Variants in SDC2 observed in about 807,000 individuals in gnomAD.
SDC2 encodes syndecan-2.
SDC2 carries 13 observed loss-of-function variants against 22.2 expected under a neutral mutation model. That is an observed-to-expected ratio of 0.59 (90% CI 0.38 to 0.93). The LOEUF (loss-of-function observed/expected upper bound fraction) is 0.93. Ranked by LOEUF, SDC2 falls within the 40% of genes least tolerant of loss-of-function variation. The pLI, the probability that SDC2 is intolerant of heterozygous loss-of-function variation, is 0.00. For synonymous variants in SDC2, 94 were observed against 92.8 expected (o/e 1.01, Z -0.07); for missense variants, 235 against 246.8 (o/e 0.95, Z 0.32).
chr8:96,585,586 G>A (rs1422058877), intron 1 of SDC2, among the ~76,000 whole-genome samples: 3 of 152,076 alleles, frequency 2.0e-5, no homozygotes, highest in Non-Finnish European at 4.4e-5. Context: ...GGGGACAGGG[G>A]AAGGGGACAT....
intron 1 of SDC2, among the ~76,000 whole-genome samples, chr8:96,579,030 A>G (rs1224111002): frequency 6.6e-6 from 1 of 152,172 alleles, no homozygotes; most frequent in African/African-American, 2.4e-5. Flanking sequence ...AATTGCTCTT[A>G]TTTGGGAGCA....
At chr8:96,535,936 T>TA (rs1813747453) in intron 1 of SDC2, among the ~76,000 whole-genome samples, 1 of 152,064 alleles carries the variant, frequency 6.6e-6, no homozygotes, top group Non-Finnish European at 1.5e-5. Flanking sequence ...TTATGAAACG[T>TA]AAAAATGGCT....
intron 1 of SDC2, among the ~76,000 whole-genome samples, chr8:96,539,161 G>A (rs1249690995): frequency 6.6e-6 from 1 of 152,218 alleles, no homozygotes; most frequent in African/African-American, 2.4e-5. Flanking sequence ...ACATTATCTT[G>A]TAATAACGAG....
intron 1 of SDC2, among the ~76,000 whole-genome samples, chr8:96,502,835 A>C (rs1033857937): frequency 5.9e-5 from 9 of 152,178 alleles, no homozygotes; most frequent in African/African-American, 2.2e-4. Flanking sequence ...TTTTTAGCAT[A>C]AGGGAATGTC....
At chr8:96,556,531 C>A (rs952550602) in intron 1 of SDC2, among the ~76,000 whole-genome samples, 12 of 151,892 alleles carry the variant, frequency 7.9e-5, no homozygotes, top group African/African-American at 2.9e-4. Context: ...GGAAAGGATT[C>A]CCTATTTAAT....
intron 1 of SDC2, among the ~76,000 whole-genome samples, chr8:96,581,478 A>G (rs1199602793): frequency 6.6e-6 from 1 of 152,128 alleles, no homozygotes; most frequent in Non-Finnish European, 1.5e-5. Flanking sequence ...AAAAATACAA[A>G]AATTAGCTGG....
intron 1 of SDC2, among the ~76,000 whole-genome samples, chr8:96,572,781 G>A (rs1325227206): frequency 1.3e-5 from 2 of 152,296 alleles, no homozygotes; most frequent in Admixed American, 1.3e-4. Flanking sequence ...ACTGCTATAA[G>A]TCATTAACTA....
At chr8:96,503,820 A>G (rs929315971) in intron 1 of SDC2, among the ~76,000 whole-genome samples, 9 of 152,216 alleles carry the variant, frequency 5.9e-5, no homozygotes, top group Non-Finnish European at 1.3e-4. Context: ...TATAAAGCTC[A>G]GAGAATGATA....
At chr8:96,494,959 G>A (rs953221945) in intron 1 of SDC2, among the ~76,000 whole-genome samples, 3 of 152,218 alleles carry the variant, frequency 2.0e-5, no homozygotes, top group African/African-American at 7.2e-5. Flanking sequence ...TCCCTCAAGG[G>A]GATACTGGGG....
intron 1 of SDC2, among the ~76,000 whole-genome samples, chr8:96,521,693 C>G (rs1273913970): frequency 2.6e-5 from 4 of 152,136 alleles, no homozygotes; most frequent in African/African-American, 9.7e-5. Flanking sequence ...TGAGCATTTT[C>G]CTTGCTTTGC....
intron 1 of SDC2, among the ~76,000 whole-genome samples, chr8:96,531,512 TA>T (rs1246724174): frequency 6.6e-6 from 1 of 152,202 alleles, no homozygotes; most frequent in African/African-American, 2.4e-5. Flanking sequence ...AAAAATGATT[TA>T]AAAAATTTTA....
intron 1 of SDC2, among the ~76,000 whole-genome samples, chr8:96,582,727 C>T (rs1462261328): frequency 1.3e-5 from 2 of 152,176 alleles, no homozygotes; most frequent in Non-Finnish European, 2.9e-5. Flanking sequence ...ATCTGCCCAG[C>T]TCACTGGCAT....
At chr8:96,495,222 C>T (rs1260564047) in intron 1 of SDC2, among the ~76,000 whole-genome samples, 1 of 152,220 alleles carries the variant, frequency 6.6e-6, no homozygotes, top group Non-Finnish European at 1.5e-5. Context: ...CTCTCTGGCC[C>T]TGGCGGGGCG....
intron 2 of SDC2, among the ~76,000 whole-genome samples, chr8:96,595,213 G>A (rs1183621838): frequency 6.6e-6 from 1 of 152,158 alleles, no homozygotes; most frequent in Non-Finnish European, 1.5e-5. Flanking sequence ...TAACTTTTGT[G>A]ATCAGATTGA....
chr8:96,499,684 T>C (rs924264183), intron 1 of SDC2, among the ~76,000 whole-genome samples: 1 of 151,962 alleles, frequency 6.6e-6, no homozygotes, highest in Admixed American at 6.6e-5. Context: ...GTTGTGAAGA[T>C]GAAATGAAGG....
intron 1 of SDC2, among the ~76,000 whole-genome samples, chr8:96,554,599 G>A (rs547490588): frequency 6.6e-6 from 1 of 152,156 alleles, no homozygotes; most frequent in South Asian, 2.1e-4. Context: ...TCCGAGTGAG[G>A]TGTTCTTATC....
chr8:96,570,868 C>T (rs1259321842), intron 1 of SDC2, among the ~76,000 whole-genome samples: 1 of 152,052 alleles, frequency 6.6e-6, no homozygotes, highest in African/African-American at 2.4e-5. Flanking sequence ...CTGGAATAGT[C>T]AAGTTCATGG....
chr8:96,546,723 G>A (rs1180841168), intron 1 of SDC2, among the ~76,000 whole-genome samples: 1 of 152,206 alleles, frequency 6.6e-6, no homozygotes, highest in African/African-American at 2.4e-5. Flanking sequence ...ACTAGTTATT[G>A]CTATCAAGTT....
At chr8:96,518,174 G>A (rs2575738) in intron 1 of SDC2, among the ~76,000 whole-genome samples, 43,839 of 151,708 alleles carry the variant, frequency 0.29, 6,431 homozygotes, top group Non-Finnish European at 0.31. Context: ...CTGATTTTTC[G>A]AAGTTTTGTT....
Sources: gnomAD v4.1 joint callset for allele counts (sites outside exome capture counted in the v4.1 genomes callset) on GRCh38, gnomAD v4.1.1 for gene constraint, MANE v1.5 for transcripts, NCBI Gene and HGNC (gene_info 2026-07-23, HGNC 2026-07-21) for gene names.